The following MAML3 variants were observed in gnomAD, a reference collection of about 807,000 sequenced individuals.
MAML3 encodes mastermind-like protein 3.
A neutral mutation model predicts 101.9 loss-of-function variants in MAML3; 27 were observed. That is an observed-to-expected ratio of 0.27 (90% CI 0.20 to 0.37). The LOEUF (loss-of-function observed/expected upper bound fraction) is 0.37, where lower values mean the gene tolerates loss of function less well. MAML3 is among the 10% of genes least tolerant of loss of function. MAML3 has a pLI of 1.00. For missense variants in MAML3, 1,316 were observed against 1,444.9 expected (o/e 0.91, Z 1.45); for synonymous variants, 501 against 555.9 (o/e 0.90, Z 1.39).
At chr4:139,980,254 C>A (rs1734421629) in intron 1 of MAML3, among the ~76,000 whole-genome samples, 2 of 152,158 alleles carry the variant, frequency 1.3e-5, no homozygotes, top group African/African-American at 4.8e-5. Flanking sequence ...TACCCACAGA[C>A]AATAAAGACT....
intron 2 of MAML3, among the ~76,000 whole-genome samples, chr4:139,733,867 T>C (rs1434880060): frequency 6.6e-6 from 1 of 152,160 alleles, no homozygotes. Flanking sequence ...TTAAATTCTT[T>C]GTATAGATGG....
chr4:140,013,852 T>C (rs894254487), intron 1 of MAML3, among the ~76,000 whole-genome samples: 2 of 152,200 alleles, frequency 1.3e-5, no homozygotes, highest in Non-Finnish European at 2.9e-5. Flanking sequence ...CAGTCCCCAA[T>C]AGAGAACCTT....
intron 1 of MAML3, among the ~76,000 whole-genome samples, chr4:139,985,723 C>T (rs1284223085): frequency 6.6e-6 from 1 of 152,208 alleles, no homozygotes; most frequent in Admixed American, 6.5e-5. Flanking sequence ...GGAAAGGCTC[C>T]TTCAGAGGCA....
chr4:140,049,133 C>G (rs1408789272), intron 1 of MAML3, among the ~76,000 whole-genome samples: 1 of 152,144 alleles, frequency 6.6e-6, no homozygotes, highest in Admixed American at 6.5e-5. Flanking sequence ...ACAAGAGAAG[C>G]TACCACTCCT....
In MAML3 at chr4:140,011,111, A is replaced by G. The variant is rs866002406; in HGVS notation, c.469-120144T>C. ...AGACTCTGTCTCGAAAAAAAAAAAA[A>G]AGTGTGTGTGTATATATATATATAT... On this transcript the variant is annotated intron_variant, in intron 1 of 4. Coordinates refer to ENST00000509479, the MANE Select transcript of MAML3 (RefSeq NM_018717.5). Among the ~76,000 whole-genome samples the G allele has an allele frequency of 1.0e-3, 122 of 122,226 alleles. 1 individual carries two copies. Among genetic ancestry groups the G allele is most frequent in the African/African-American group, 3.1e-3 (106 of 33,674 alleles). The allele number at this position is 122,226 out of a possible 152,430, so 80.2% of individuals were successfully genotyped here. A position where few individuals can be genotyped will look rare whatever the true frequency, so the allele number is the denominator to read the frequency against.
chr4:139,756,464 T>C (rs189325331), intron 2 of MAML3, among the ~76,000 whole-genome samples: 2 of 152,314 alleles, frequency 1.3e-5, no homozygotes, highest in Admixed American at 6.5e-5. Flanking sequence ...AGCATTCTCA[T>C]AGAATATCCC....
At chr4:140,011,983 T>C (rs1165710726) in intron 1 of MAML3, among the ~76,000 whole-genome samples, 1 of 151,956 alleles carries the variant, frequency 6.6e-6, no homozygotes, top group Non-Finnish European at 1.5e-5. Context: ...TTCATTTTTA[T>C]CATACATTAC....
intron 1 of MAML3, among the ~76,000 whole-genome samples, chr4:140,039,471 AT>A (rs1727044877): frequency 6.6e-6 from 1 of 152,172 alleles, no homozygotes; most frequent in Admixed American, 6.5e-5. Flanking sequence ...ACATGCCTTG[AT>A]CAGAAGCATT....
At chr4:139,876,619 T>C (rs984595585) in intron 2 of MAML3, among the ~76,000 whole-genome samples, 1 of 152,246 alleles carries the variant, frequency 6.6e-6, no homozygotes, top group African/African-American at 2.4e-5. Flanking sequence ...CTGTGGCACA[T>C]GTAACTCATT....
At chr4:139,988,783 A>G (rs1734605975) in intron 1 of MAML3, among the ~76,000 whole-genome samples, 1 of 152,218 alleles carries the variant, frequency 6.6e-6, no homozygotes, top group Non-Finnish European at 1.5e-5. Flanking sequence ...CTTCATCTCA[A>G]TAAAATTGAG....
In MAML3 at chr4:140,059,163, A is replaced by C. The variant is rs570868468; in HGVS notation, c.468+93697T>G. ...AAAAAAAATCTGTCTAAAAGAAGCA[A>C]AGAAACAGGTACCTTTATATTACCA... On this transcript the variant is annotated intron_variant, in intron 1 of 4. Coordinates refer to ENST00000509479, the MANE Select transcript of MAML3 (RefSeq NM_018717.5). 2.0e-5 allele frequency among the ~76,000 whole-genome samples: 3 copies of C among 152,366 alleles called. No individual in the cohort carries two copies. In the East Asian group the frequency reaches 5.8e-4, roughly 29 times the overall value.
chr4:140,152,949 C>T lies in MAML3; in HGVS notation c.379G>A (p.Ala127Thr), dbSNP rs778544265. 90 of 1,612,220 alleles carry T rather than the reference C, an allele frequency of 5.6e-5. No individual in the cohort carries two copies. Among genetic ancestry groups the T allele is most frequent in the Non-Finnish European group, 7.1e-5 (84 of 1,179,428 alleles). Residue 127 changes from alanine (A) to threonine (T), a missense_variant, in exon 1 of 5, where the codon GCC (alanine) becomes ACC (threonine). Ala to Thr is a moderately conservative substitution (Grantham distance 58). Coordinates refer to ENST00000509479, the MANE Select transcript of MAML3 (RefSeq NM_018717.5). ...TLEQRAKKSG[A>T]GTGKQQHPSK... Reference sequence around the variant, plus strand: ...GGGTGCTGCTGTTTGCCGGTGCCGGCGCCCGATTTCTTGGCCCTCTGCTCC... The same window carrying T: ...GGGTGCTGCTGTTTGCCGGTGCCGGTGCCCGATTTCTTGGCCCTCTGCTCC...
intron 1 of MAML3, among the ~76,000 whole-genome samples, chr4:140,138,955 T>C (rs1490000757): frequency 3.3e-5 from 5 of 152,234 alleles, no homozygotes; most frequent in African/African-American, 9.6e-5. Context: ...TAAATTCATA[T>C]GGCTATTTGG....
intron 1 of MAML3, among the ~76,000 whole-genome samples, chr4:139,918,159 C>T (rs1165909266): frequency 6.6e-6 from 1 of 152,128 alleles, no homozygotes; most frequent in Admixed American, 6.5e-5. Context: ...CCCATCTTAC[C>T]CTTTCCAGTC....
At position 139,885,783 on chromosome 4, in the gene MAML3, A is replaced by G. The variant is rs1578646860; in HGVS notation, c.2079+3574T>C. Among the ~76,000 whole-genome samples the G allele has an allele frequency of 1.5e-4, 19 of 129,414 alleles. No homozygotes were observed. The South Asian group carries it at 5.0e-3, about 34-fold the overall frequency. 84.9% of individuals were successfully genotyped at this position (129,414 alleles called of 152,430 possible). On this transcript the variant is annotated intron_variant, in intron 2 of 4. Transcript: ENST00000509479. Reference sequence around the variant, plus strand: ...CTAAACATACAAAAAAAAAAAAAAAATTAGCCAGGCGTGCCGGCAGGCGCC... The same window carrying G: ...CTAAACATACAAAAAAAAAAAAAAAGTTAGCCAGGCGTGCCGGCAGGCGCC...
At chr4:139,996,686 C>CATGTGTGTGT (rs59834103) in intron 1 of MAML3, among the ~76,000 whole-genome samples, 404 of 151,018 alleles carry the variant, frequency 2.7e-3, no homozygotes, top group Non-Finnish European at 4.3e-3. Context: ...ATAGTTGTAT[C>CATGTGTGTGT]GTGTGTGTGT....
At chr4:139,896,607 G>GGTGTGCGT (rs1732617511) in intron 1 of MAML3, among the ~76,000 whole-genome samples, 1 of 144,680 alleles carries the variant, frequency 6.9e-6, no homozygotes, top group African/African-American at 2.6e-5. Context: ...CTGTGAAACT[G>GGTGTGCGT]GTGTGTGTGT....
chr4:139,737,314 A>T (rs540256882), intron 2 of MAML3, among the ~76,000 whole-genome samples: 7 of 147,980 alleles, frequency 4.7e-5, no homozygotes, highest in Non-Finnish European at 9.0e-5. Context: ...CATTTTGTTG[A>T]TTTTTTTTTT....
intron 1 of MAML3, among the ~76,000 whole-genome samples, chr4:139,991,808 C>T (rs890547488): frequency 4.0e-5 from 6 of 151,886 alleles, no homozygotes; most frequent in Admixed American, 1.3e-4. Context: ...ATCATGCCAC[C>T]GTACTTCAGC....
Sources: gnomAD v4.1 joint callset for allele counts (sites outside exome capture counted in the v4.1 genomes callset) on GRCh38, gnomAD v4.1.1 for gene constraint, MANE v1.5 for transcripts, NCBI Gene and HGNC (gene_info 2026-07-23, HGNC 2026-07-21) for gene names.